MUSK: variants seen among roughly 807,000 people sequenced by gnomAD.
MUSK encodes the protein muscle, skeletal receptor tyrosine-protein kinase.
A neutral mutation model predicts 88.7 loss-of-function variants in MUSK; 55 were observed. That is an observed-to-expected ratio of 0.62 (90% CI 0.50 to 0.78). The LOEUF is 0.78. MUSK is among the 30% of genes least tolerant of loss of function. The pLI is 0.00. For missense variants in MUSK, 1,015 were observed against 1,074.3 expected (o/e 0.94, Z 0.77); for synonymous variants, 387 against 391.9 (o/e 0.99, Z 0.15).
chr9:110,770,162 C>T (rs375664543), intron 9 of MUSK, among the ~76,000 whole-genome samples: 40 of 151,152 alleles, frequency 2.6e-4, no homozygotes, highest in East Asian at 1.2e-3. Context: ...ATTTGTGCTA[C>T]GAATTTCGCA....
chr9:110,757,110 C>T (rs2077335481), intron 7 of MUSK, among the ~76,000 whole-genome samples: 4 of 152,140 alleles, frequency 2.6e-5, no homozygotes, highest in Admixed American at 2.6e-4. Context: ...ACTCACTTAA[C>T]TCAATTTCAG....
chr9:110,673,953 A>T (rs938189659), intron 1 of MUSK, among the ~76,000 whole-genome samples: 1 of 152,106 alleles, frequency 6.6e-6, no homozygotes, highest in Non-Finnish European at 1.5e-5. Flanking sequence ...TGCTATTTTT[A>T]CTTAGCACTA....
At chr9:110,735,707 A>T (rs992841640) in intron 6 of MUSK, among the ~76,000 whole-genome samples, 1 of 152,144 alleles carries the variant, frequency 6.6e-6, no homozygotes, top group Non-Finnish European at 1.5e-5. Flanking sequence ...AAGAGGTTTA[A>T]TTGGCTCATG....
intron 5 of MUSK, chr9:110,706,187 A>G (rs748807580): frequency 4.3e-6 from 2 of 464,394 alleles, no homozygotes; most frequent in African/African-American, 4.0e-5. Flanking sequence ...AAAATAAATC[A>G]ACCATATTGG....
intron 9 of MUSK, among the ~76,000 whole-genome samples, chr9:110,771,508 T>C (rs904904452): frequency 1.3e-5 from 2 of 152,192 alleles, no homozygotes; most frequent in African/African-American, 4.8e-5. Flanking sequence ...GTATAATATA[T>C]ACTGCTTTGT....
chr9:110,712,466 G>A (rs1355547470), intron 5 of MUSK, among the ~76,000 whole-genome samples: 1 of 152,136 alleles, frequency 6.6e-6, no homozygotes, highest in African/African-American at 2.4e-5. Flanking sequence ...CGGATTCATG[G>A]AACTTCTCCT....
rs1319315530 is a variant in MUSK, at chr9:110,800,536, A to G, written c.2158A>G (p.Lys720Glu). The change falls in exon 15 of 15, where the codon AAG becomes GAG. Residue 720 changes from lysine (K) to glutamate (E), a missense_variant. Coordinates refer to ENST00000374448, the MANE Select transcript of MUSK (RefSeq NM_005592.4). ...AAGMAYLSER[K>E]FVHRDLATRN... The stretch of plus-strand genomic sequence containing the variant: ...TGGCATGGCTTACCTCTCAGAACGT[A>G]AGTTTGTTCACCGAGATTTAGCCAC... The G allele has an allele frequency of 7.4e-6, 12 of 1,613,478 alleles. No individual in the cohort carries two copies. The highest frequency in any genetic ancestry group is 1.0e-5 in the Non-Finnish European group (12 of 1,179,790).
At chr9:110,677,228 C>G (rs985818357) in intron 1 of MUSK, among the ~76,000 whole-genome samples, 2 of 152,166 alleles carry the variant, frequency 1.3e-5, no homozygotes, top group African/African-American at 4.8e-5. Flanking sequence ...CCTTTCTTCC[C>G]TTTTATTGTT....
At chr9:110,771,296 G>T (rs768286212) in intron 9 of MUSK, among the ~76,000 whole-genome samples, 24 of 150,944 alleles carry the variant, frequency 1.6e-4, no homozygotes, top group Non-Finnish European at 2.8e-4. Flanking sequence ...CACCTTGTTG[G>T]TCAGGCTGGT....
Position 110,767,888 on chromosome 9 carries a change from C to G in MUSK, c.989C>G (p.Ala330Gly), listed in dbSNP as rs761698956. The change falls in exon 9 of 15, where the codon GCA becomes GGA. Residue 330 changes from alanine (A) to glycine (G), a missense_variant. Coordinates refer to ENST00000374448, the MANE Select transcript of MUSK (RefSeq NM_005592.4). ...GGGGAGGTGTGTAATGCAGTCCTGG[C>G]AAAAGATGCTCTTGTTTTTCTCAAC... ...YRGEVCNAVLAKDALVFLNTS... is the reference protein window; with the variant it reads ...YRGEVCNAVLGKDALVFLNTS... 8 of 1,613,948 alleles carry G rather than the reference C, an allele frequency of 5.0e-6. No individual in the cohort carries two copies. Among genetic ancestry groups the G allele is most frequent in the South Asian group, 1.1e-5 (1 of 91,084 alleles).
At chr9:110,735,415 A>G (rs1564254050) in intron 6 of MUSK, among the ~76,000 whole-genome samples, 1 of 152,180 alleles carries the variant, frequency 6.6e-6, no homozygotes, top group Non-Finnish European at 1.5e-5. Context: ...TTGCAACAAC[A>G]TGGATGGAAC....
At chr9:110,732,895 C>T (rs762512893) in intron 5 of MUSK, among the ~76,000 whole-genome samples, 1 of 151,990 alleles carries the variant, frequency 6.6e-6, no homozygotes, top group African/African-American at 2.4e-5. Context: ...AATAGTCAAA[C>T]AAATCAAATG....
chr9:110,786,302 C>T (rs1042170247), intron 13 of MUSK, among the ~76,000 whole-genome samples: 3 of 138,120 alleles, frequency 2.2e-5, no homozygotes, highest in African/African-American at 5.5e-5. Context: ...CAGAGCAAGA[C>T]TCTGTCTCAA....
intron 6 of MUSK, among the ~76,000 whole-genome samples, chr9:110,744,062 G>A (rs2077139188): frequency 6.6e-6 from 1 of 152,004 alleles, no homozygotes; most frequent in African/African-American, 2.4e-5. Context: ...CCACCTCCTG[G>A]GTTCAAGCAA....
intron 6 of MUSK, among the ~76,000 whole-genome samples, chr9:110,744,261 C>A (rs928336337): frequency 6.6e-6 from 1 of 152,210 alleles, no homozygotes; most frequent in Non-Finnish European, 1.5e-5. Context: ...GCCACTGCAC[C>A]CGGCCCTGGG....
chr9:110,698,016 C>T (rs1445344185), intron 5 of MUSK, among the ~76,000 whole-genome samples: 1 of 151,998 alleles, frequency 6.6e-6, no homozygotes, highest in African/African-American at 2.4e-5. Context: ...TTTTAATCAG[C>T]TAATTCAATA....
At chr9:110,695,236 T>C (rs2076416579) in intron 3 of MUSK, among the ~76,000 whole-genome samples, 167 bp from the exon 4 acceptor site, 1 of 152,194 alleles carries the variant, frequency 6.6e-6, no homozygotes, top group South Asian at 2.1e-4. Flanking sequence ...CTGATTTCTG[T>C]TTGAGATCTA....
intron 9 of MUSK, among the ~76,000 whole-genome samples, chr9:110,773,123 C>T (rs2131977533): frequency 6.6e-6 from 1 of 152,068 alleles, no homozygotes; most frequent in East Asian, 1.9e-4. Context: ...TATTGATCTC[C>T]TTCTGGGCTC....
intron 3 of MUSK, among the ~76,000 whole-genome samples, chr9:110,689,086 A>G (rs1459140549): frequency 7.3e-6 from 1 of 136,242 alleles, no homozygotes; most frequent in Non-Finnish European, 1.6e-5. Context: ...ATAGTTATAT[A>G]TTTACATTTA....
Sources: gnomAD v4.1 joint callset for allele counts (sites outside exome capture counted in the v4.1 genomes callset) on GRCh38, gnomAD v4.1.1 for gene constraint, MANE v1.5 for transcripts, NCBI Gene and HGNC (gene_info 2026-07-23, HGNC 2026-07-21) for gene names.